Variants in SMAP1 observed in about 807,000 individuals in gnomAD.
SMAP1 encodes stromal membrane-associated protein 1.
In SMAP1, 24 loss-of-function variants were observed where a neutral mutation model predicts 58.5. That is an observed-to-expected ratio of 0.41 (90% CI 0.30 to 0.58). SMAP1 has a LOEUF of 0.58. SMAP1 is among the 20% of genes least tolerant of loss of function. The pLI is 0.29. For synonymous variants in SMAP1, 216 were observed against 196.6 expected (o/e 1.10, Z -0.82); for missense variants, 563 against 566.3 (o/e 0.99, Z 0.06).
intron 6 of SMAP1, among the ~76,000 whole-genome samples, chr6:70,816,705 T>C (rs1769644790): frequency 6.6e-6 from 1 of 152,110 alleles, no homozygotes; most frequent in Admixed American, 6.5e-5. Flanking sequence ...TTCAAACATA[T>C]ATGGTGCTTT....
In SMAP1 at chr6:70,861,934, C is replaced by T; in HGVS notation, c.*1600C>T. ...GGCTGGGATCCACGACGCTTAAATACAGCTTTTGGATTGGACAAAATGACT... is the reference window on the plus strand; with the variant it reads ...GGCTGGGATCCACGACGCTTAAATATAGCTTTTGGATTGGACAAAATGACT... On this transcript the variant is annotated 3_prime_UTR_variant, in exon 11 of 11. Coordinates refer to ENST00000370455, the MANE Select transcript of SMAP1 (RefSeq NM_001044305.3). 6.2e-7 allele frequency: 1 copy of T among 1,613,712 alleles called. No individual in the cohort carries two copies. Among genetic ancestry groups the T allele is most frequent in the Non-Finnish European group, 8.5e-7 (1 of 1,179,868 alleles).
At chr6:70,684,631 C>G (rs1203539195) in intron 1 of SMAP1, among the ~76,000 whole-genome samples, 1 of 152,110 alleles carries the variant, frequency 6.6e-6, no homozygotes, top group African/African-American at 2.4e-5. Flanking sequence ...GGAGTGAATG[C>G]TGTATGTGTA....
intron 6 of SMAP1, among the ~76,000 whole-genome samples, chr6:70,807,534 C>G (rs1205171618): frequency 6.6e-6 from 1 of 152,128 alleles, no homozygotes; most frequent in Non-Finnish European, 1.5e-5. Context: ...AATCAATGAT[C>G]TATAAATATG....
Position 70,840,132 on chromosome 6 carries a change from C to T in SMAP1, c.664+3104C>T, listed in dbSNP as rs149875672. ...TCCGTATGAGTGAGACTAGAACAGA[C>T]ATTAACTTAAAACATTTCCAGAAAA... On this transcript the variant is annotated intron_variant, in intron 7 of 10. Coordinates refer to ENST00000370455, the MANE Select transcript of SMAP1 (RefSeq NM_001044305.3). Among the ~76,000 whole-genome samples, 516 of 152,290 alleles carry T rather than the reference C, an allele frequency of 3.4e-3. 11 individuals are homozygous for T. Among genetic ancestry groups the T allele is most frequent in the Admixed American group, 0.029 (438 of 15,290 alleles).
chr6:70,725,093 G>GTT (rs745587315), intron 1 of SMAP1, among the ~76,000 whole-genome samples: 1 of 47,822 alleles, frequency 2.1e-5, no homozygotes, highest in African/African-American at 7.3e-5. Context: ...ATTAACCAGT[G>GTT]TTTTTTTTTT....
At chr6:70,749,134 C>T (rs535525893) in intron 2 of SMAP1, among the ~76,000 whole-genome samples, 19 of 152,122 alleles carry the variant, frequency 1.2e-4, no homozygotes, top group South Asian at 1.0e-3. Flanking sequence ...ATAATTATGG[C>T]GGAAGGCGAG....
chr6:70,756,457 A>G (rs1218772150), intron 3 of SMAP1, among the ~76,000 whole-genome samples: 1 of 152,076 alleles, frequency 6.6e-6, no homozygotes, highest in Non-Finnish European at 1.5e-5. Context: ...TGATATCCGA[A>G]GCTGTATTTG....
At chr6:70,675,951 A>G (rs567495554) in intron 1 of SMAP1, among the ~76,000 whole-genome samples, 3 of 152,350 alleles carry the variant, frequency 2.0e-5, no homozygotes, top group African/African-American at 7.2e-5. Context: ...GAATTGGCAT[A>G]TGTGCCAGCC....
chr6:70,834,516 A>G (rs905238433), intron 6 of SMAP1, among the ~76,000 whole-genome samples: 3 of 152,214 alleles, frequency 2.0e-5, no homozygotes, highest in African/African-American at 7.2e-5. Flanking sequence ...TTTATTTTCA[A>G]CTTCAAAGTT....
In SMAP1 at chr6:70,773,330, CTTAAG is replaced by C. The variant is rs1767404930; in HGVS notation, c.339-16_339-12del. 18 of 1,472,492 alleles carry C rather than the reference CTTAAG, an allele frequency of 1.2e-5. No homozygotes were observed. Among genetic ancestry groups the C allele is most frequent in the East Asian group, 2.3e-5 (1 of 43,428 alleles). 91.2% of individuals were successfully genotyped at this position (1,472,492 alleles called of 1,614,324 possible). A position where few individuals can be genotyped will look rare whatever the true frequency, so the allele number is the denominator to read the frequency against. Reference sequence around the variant, plus strand: ...ACATATCACTGAATTCATGCTTTTCCTTAAGTTATCTGTTTTCAGAGCAGTGGAAT... The same window carrying C: ...ACATATCACTGAATTCATGCTTTTCCTTATCTGTTTTCAGAGCAGTGGAAT... On this transcript the variant is annotated splice_polypyrimidine_tract_variant and intron_variant, in intron 3 of 10. Transcript: ENST00000370455.
chr6:70,764,079 ATTTTTTT>A (rs796149089), intron 3 of SMAP1, among the ~76,000 whole-genome samples: 1 of 142,990 alleles, frequency 7.0e-6, no homozygotes, highest in African/African-American at 2.6e-5. Flanking sequence ...TGCCCAGCTA[ATTTTTTT>A]TTTTTTTTGT....
chr6:70,763,039 C>T (rs550658734), intron 3 of SMAP1, among the ~76,000 whole-genome samples: 2 of 148,280 alleles, frequency 1.3e-5, no homozygotes, highest in Non-Finnish European at 3.0e-5. Context: ...GTAAAACCAT[C>T]GTAGTATTCT....
intron 1 of SMAP1, among the ~76,000 whole-genome samples, chr6:70,671,866 G>A (rs759071052): frequency 1.3e-5 from 2 of 152,126 alleles, no homozygotes; most frequent in Admixed American, 6.5e-5. Context: ...TCCGTCTATT[G>A]ATGAACATTT....
At chr6:70,769,611 C>A (rs990862340) in intron 3 of SMAP1, among the ~76,000 whole-genome samples, 19 of 152,090 alleles carry the variant, frequency 1.2e-4, no homozygotes, top group African/African-American at 4.3e-4. Context: ...CTTGGTAGAT[C>A]TTCCTCCATC....
intron 1 of SMAP1, among the ~76,000 whole-genome samples, chr6:70,727,746 T>C (rs955260857): frequency 3.3e-5 from 5 of 152,178 alleles, no homozygotes; most frequent in African/African-American, 9.7e-5. Flanking sequence ...GTGTTCTGTT[T>C]GCTGTTACCA....
At chr6:70,703,316 C>T (rs758043161) in intron 1 of SMAP1, among the ~76,000 whole-genome samples, 66 of 152,234 alleles carry the variant, frequency 4.3e-4, no homozygotes, top group African/African-American at 8.9e-4. Flanking sequence ...TCAAGTGATC[C>T]GCCCACCTCG....
intron 1 of SMAP1, among the ~76,000 whole-genome samples, chr6:70,685,369 T>C (rs548230666): frequency 1.4e-4 from 22 of 152,082 alleles, no homozygotes; most frequent in African/African-American, 5.3e-4. Flanking sequence ...CTACCCTACC[T>C]TGCCCTGAGG....
chr6:70,751,530 A>T (rs1452941539), intron 2 of SMAP1, among the ~76,000 whole-genome samples: 1 of 152,120 alleles, frequency 6.6e-6, no homozygotes, highest in African/African-American at 2.4e-5. Context: ...CTTTAACTTA[A>T]GTAGTTCAGA....
chr6:70,674,454 C>T (rs1464236219), intron 1 of SMAP1, among the ~76,000 whole-genome samples: 2 of 152,094 alleles, frequency 1.3e-5, no homozygotes, highest in African/African-American at 2.4e-5. Context: ...CGTCTTTTCA[C>T]GGATTAGAAT....
Sources: gnomAD v4.1 joint callset for allele counts (sites outside exome capture counted in the v4.1 genomes callset) on GRCh38, gnomAD v4.1.1 for gene constraint, MANE v1.5 for transcripts, NCBI Gene and HGNC (gene_info 2026-07-23, HGNC 2026-07-21) for gene names.